The following HDAC5 variants were observed in gnomAD, a reference collection of about 807,000 sequenced individuals.
The protein encoded by HDAC5 is histone deacetylase 5, also known as antigen NY-CO-9.
Under a neutral mutation model 133.3 loss-of-function variants are expected in HDAC5, and 25 were observed. The observed-to-expected ratio is 0.19, with a 90% CI of 0.14 to 0.26. The LOEUF (loss-of-function observed/expected upper bound fraction) is 0.26. Ranked by LOEUF, HDAC5 falls within the 10% of genes least tolerant of loss-of-function variation. The pLI, the probability that HDAC5 is intolerant of heterozygous loss-of-function variation, is 1.00. For synonymous variants in HDAC5, 589 were observed against 610.8 expected, an observed-to-expected ratio of 0.96 and a Z score of 0.53; for missense variants, 1,041 against 1,460.5, an observed-to-expected ratio of 0.71 and a Z score of 4.68.
At chr17:44,119,753 T>C (rs1236500176) in intron 1 of HDAC5, among the ~76,000 whole-genome samples, 1 of 151,982 alleles carries the variant, frequency 6.6e-6, no homozygotes, top group Non-Finnish European at 1.5e-5. Context: ...CTGTCTGGGG[T>C]GGGACATGAA....
At chr17:44,094,629 T>A (rs1490414923) in intron 3 of HDAC5, among the ~76,000 whole-genome samples, 2 of 152,004 alleles carry the variant, frequency 1.3e-5, no homozygotes, top group Non-Finnish European at 2.9e-5. Flanking sequence ...AGAGCGAGCC[T>A]CCATCTCAAA....
intron 6 of HDAC5, 138 bp from the exon 7 acceptor site, chr17:44,092,944 G>T: frequency 1.5e-6 from 1 of 662,936 alleles, no homozygotes; most frequent in Non-Finnish European, 2.6e-6. Flanking sequence ...AAGGAATGAG[G>T]AAATAAACCA....
chr17:44,123,336 G>A (rs2053128975), intron 1 of HDAC5, 168 bp downstream of exon 1: 1 of 331,256 alleles, frequency 3.0e-6, no homozygotes. Flanking sequence ...GGCTGCCGAT[G>A]CTCCCGGGGG....
At chr17:44,082,892 G>A in intron 18 of HDAC5, 72 bp from the exon 19 acceptor site, 2 of 1,313,312 alleles carry the variant, frequency 1.5e-6, no homozygotes, top group Non-Finnish European at 2.1e-6. Context: ...GCACAGGACA[G>A]AAGCACAAGC....
At chr17:44,106,724 A>G (rs2051974264) in intron 3 of HDAC5, among the ~76,000 whole-genome samples, 1 of 151,586 alleles carries the variant, frequency 6.6e-6, no homozygotes. Context: ...CCAAGTAGCT[A>G]GGATTACAGG....
At chr17:44,107,690 CCT>C (rs990753480) in intron 3 of HDAC5, among the ~76,000 whole-genome samples, 3 of 151,896 alleles carry the variant, frequency 2.0e-5, no homozygotes, top group Admixed American at 6.6e-5. Context: ...CACTCTCACC[CCT>C]GAGTCTTGCA....
chr17:44,101,988 G>A (rs563346415), intron 3 of HDAC5, among the ~76,000 whole-genome samples: 9 of 152,320 alleles, frequency 5.9e-5, no homozygotes, highest in Non-Finnish European at 1.2e-4. Flanking sequence ...GAAGATCACC[G>A]ACCAAGTGGT....
At chr17:44,087,760 C>G in intron 12 of HDAC5, 64 bp from the exon 13 acceptor site, 1 of 1,493,676 alleles carries the variant, frequency 6.7e-7, no homozygotes, top group East Asian at 2.3e-5. Flanking sequence ...GCCTAAAACC[C>G]AGAACAGTCT....
In HDAC5 at chr17:44,086,522, C is replaced by T. The variant is rs113298097; in HGVS notation, c.2050+50G>A. 1,849 of 1,263,424 alleles carry T rather than the reference C, an allele frequency of 1.5e-3. 5 individuals are homozygous for T. Among genetic ancestry groups the T allele is most frequent in the Non-Finnish European group, 1.7e-3 (1,704 of 994,136 alleles). 78.3% of individuals were successfully genotyped at this position (1,263,424 alleles called of 1,614,324 possible). A position where few individuals can be genotyped will look rare whatever the true frequency, so the allele number is the denominator to read the frequency against. On this transcript the variant is annotated intron_variant, in intron 14 of 26. Coordinates refer to ENST00000682912, the MANE Select transcript of HDAC5 (RefSeq NM_005474.5). ...CCTGCCATGGGGCAGACACCACACACAGGCCCTCTGGTGCCTGGCAGAAGG... is the reference window on the plus strand; with the variant it reads ...CCTGCCATGGGGCAGACACCACACATAGGCCCTCTGGTGCCTGGCAGAAGG...
chr17:44,089,765 A>AAAT, intron 11 of HDAC5, among the ~76,000 whole-genome samples: 6 of 149,266 alleles, frequency 4.0e-5, no homozygotes, highest in African/African-American at 1.5e-4. Flanking sequence ...AAAAAAAAAA[A>AAAT]AAAAAAAAAT....
At chr17:44,118,356 T>C (rs2052778236) in intron 1 of HDAC5, among the ~76,000 whole-genome samples, 1 of 152,174 alleles carries the variant, frequency 6.6e-6, no homozygotes, top group Non-Finnish European at 1.5e-5. Flanking sequence ...CCCAGCACTT[T>C]GTGTATATTG....
At chr17:44,118,347 C>G (rs1435443692) in intron 1 of HDAC5, among the ~76,000 whole-genome samples, 1 of 152,172 alleles carries the variant, frequency 6.6e-6, no homozygotes, top group Non-Finnish European at 1.5e-5. Flanking sequence ...GGGCCCAAGC[C>G]CAGCACTTTG....
chr17:44,099,661 A>T (rs1007786185), intron 3 of HDAC5, among the ~76,000 whole-genome samples: 1 of 151,942 alleles, frequency 6.6e-6, no homozygotes. Context: ...TTTTTAGTAG[A>T]GACGGGGTTT....
At chr17:44,112,117 T>C (rs1013328629) in intron 2 of HDAC5, among the ~76,000 whole-genome samples, 1 of 152,104 alleles carries the variant, frequency 6.6e-6, no homozygotes, top group Admixed American at 6.5e-5. Context: ...AAGTCTGAGC[T>C]CTAACCACCA....
chr17:44,089,374 C>A (rs906687471), intron 11 of HDAC5, among the ~76,000 whole-genome samples: 1 of 151,870 alleles, frequency 6.6e-6, no homozygotes, highest in Non-Finnish European at 1.5e-5. Context: ...TTTGGGAGGC[C>A]AAGGCAGGTG....
At chr17:44,085,891 C>T (rs934584257) in intron 14 of HDAC5, among the ~76,000 whole-genome samples, 1 of 152,188 alleles carries the variant, frequency 6.6e-6, no homozygotes, top group African/African-American at 2.4e-5. Flanking sequence ...ATCCTCCCAC[C>T]TTGGCCTCCC....
chr17:44,123,616 C>T lies in HDAC5; in HGVS notation c.-302G>A, dbSNP rs911074991. 3.3e-5 allele frequency: 13 copies of T among 396,714 alleles called. No homozygotes were observed. The highest frequency in any genetic ancestry group is 2.5e-4 in the African/African-American group (12 of 48,466). 24.6% of individuals were successfully genotyped at this position (396,714 alleles called of 1,614,324 possible). ...ATCTTTGCGGCGGCTCCTCCGGCTC[C>T]GCTCGCCGCCGCCACCAACAACAAC... On this transcript the variant is annotated 5_prime_UTR_variant, in exon 1 of 27. Transcript: ENST00000682912.
At chr17:44,100,292 T>G (rs1477388748) in intron 3 of HDAC5, among the ~76,000 whole-genome samples, 2 of 152,166 alleles carry the variant, frequency 1.3e-5, no homozygotes, top group South Asian at 2.1e-4. Flanking sequence ...CAAGAATCCC[T>G]GTGACAAGAA....
intron 2 of HDAC5, among the ~76,000 whole-genome samples, chr17:44,113,246 C>A (rs2052448294): frequency 6.6e-6 from 1 of 152,170 alleles, no homozygotes; most frequent in African/African-American, 2.4e-5. Context: ...GAACCTGGAG[C>A]ACCCAGACAT....
Sources: allele counts gnomAD v4.1 joint callset (sites outside exome capture counted in the v4.1 genomes callset), GRCh38; gene constraint gnomAD v4.1.1; transcripts MANE v1.5; gene names NCBI Gene and HGNC (gene_info 2026-07-23, HGNC 2026-07-21).